PXDNL: variants seen among roughly 807,000 people sequenced by gnomAD.
PXDNL encodes probable oxidoreductase PXDNL.
A neutral mutation model predicts 150.8 loss-of-function variants in PXDNL; 145 were observed. The observed-to-expected ratio is 0.96, with a 90% CI of 0.84 to 1.10. PXDNL has a LOEUF of 1.10. PXDNL is among the 50% of genes least tolerant of loss of function. The probability of loss-of-function intolerance (pLI) is 0.00; values close to 1 mark genes in which losing one functional copy is unlikely to be tolerated. For missense variants in PXDNL, 2,087 were observed against 1,873.9 expected (o/e 1.11, Z -2.10); for synonymous variants, 757 against 725.7 (o/e 1.04, Z -0.69).
chr8:51,505,329 T>C (rs1363429107), intron 4 of PXDNL, among the ~76,000 whole-genome samples: 1 of 127,974 alleles, frequency 7.8e-6, no homozygotes, highest in African/African-American at 3.5e-5. Flanking sequence ...GTGTGAGAAG[T>C]TGCTGGTATC....
At chr8:51,470,875 A>T (rs1448277135) in intron 8 of PXDNL, among the ~76,000 whole-genome samples, 1 of 152,192 alleles carries the variant, frequency 6.6e-6, no homozygotes, top group Admixed American at 6.5e-5. Context: ...CTAAAACCAT[A>T]AAAACCCTAG....
At chr8:51,597,415 T>C (rs1050158636) in intron 2 of PXDNL, among the ~76,000 whole-genome samples, 1 of 152,202 alleles carries the variant, frequency 6.6e-6, no homozygotes, top group Non-Finnish European at 1.5e-5. Context: ...AATTTTAGAA[T>C]AGTTTTTTTC....
intron 1 of PXDNL, among the ~76,000 whole-genome samples, chr8:51,700,007 C>T (rs139747222): frequency 2.0e-5 from 3 of 151,946 alleles, no homozygotes; most frequent in African/African-American, 7.2e-5. Context: ...TGAGAATTAC[C>T]AAATTGTGAG....
chr8:51,372,177 C>T (rs1161982328), intron 18 of PXDNL, 96 bp from the exon 19 acceptor site: 5 of 790,464 alleles, frequency 6.3e-6, no homozygotes, highest in Non-Finnish European at 8.2e-6. Flanking sequence ...AAGAGCTCAA[C>T]ATAAAAGACG....
intron 14 of PXDNL, 131 bp from the exon 15 acceptor site, chr8:51,413,389 A>T (rs916885319): frequency 1.5e-5 from 9 of 611,040 alleles, no homozygotes; most frequent in Admixed American, 3.0e-5. Context: ...TGAAAATGTT[A>T]TACAATATCT....
At chr8:51,650,255 T>C (rs1403828028) in intron 2 of PXDNL, among the ~76,000 whole-genome samples, 1 of 152,120 alleles carries the variant, frequency 6.6e-6, no homozygotes. Context: ...TTTAACAATG[T>C]ACAGGCATAG....
chr8:51,366,166 C>T (rs2130767075), intron 19 of PXDNL, among the ~76,000 whole-genome samples: 1 of 152,308 alleles, frequency 6.6e-6, no homozygotes, highest in Admixed American at 6.5e-5. Context: ...AAGCTGCCTC[C>T]TTACATATTT....
chr8:51,460,919 T>C (rs978052201), intron 8 of PXDNL, among the ~76,000 whole-genome samples: 2 of 152,166 alleles, frequency 1.3e-5, no homozygotes, highest in Non-Finnish European at 2.9e-5. Context: ...TGGGCTGGGA[T>C]AGAGCAGGGC....
At chr8:51,494,017 G>C (rs1264099948) in intron 5 of PXDNL, among the ~76,000 whole-genome samples, 1 of 152,130 alleles carries the variant, frequency 6.6e-6, no homozygotes, top group East Asian at 1.9e-4. Context: ...AAAATGTTAA[G>C]GGCAGCCAGA....
chr8:51,515,304 G>A (rs1811512253), intron 4 of PXDNL, among the ~76,000 whole-genome samples: 1 of 152,146 alleles, frequency 6.6e-6, no homozygotes, highest in South Asian at 2.1e-4. Flanking sequence ...CCAGGGGGCA[G>A]GTCACACCCT....
At chr8:51,754,383 C>T (rs1264623047) in intron 1 of PXDNL, among the ~76,000 whole-genome samples, 1 of 152,198 alleles carries the variant, frequency 6.6e-6, no homozygotes, top group Non-Finnish European at 1.5e-5. Context: ...AAACCCACCA[C>T]TGGAGGCAGC....
At chr8:51,435,760 G>A in intron 12 of PXDNL, 1 of 399,504 alleles carries the variant, frequency 2.5e-6, no homozygotes, top group Non-Finnish European at 5.0e-6. Context: ...CCGTTTGCAA[G>A]GGGGAGTGAA....
At chr8:51,414,232 CTA>C (rs1235591398) in intron 14 of PXDNL, among the ~76,000 whole-genome samples, 1 of 151,212 alleles carries the variant, frequency 6.6e-6, no homozygotes, top group Non-Finnish European at 1.5e-5. Context: ...ATGTATATAT[CTA>C]TATATGTGTT....
intron 2 of PXDNL, among the ~76,000 whole-genome samples, chr8:51,634,935 T>A (rs2130763298): frequency 6.6e-6 from 1 of 152,284 alleles, no homozygotes; most frequent in East Asian, 1.9e-4. Flanking sequence ...ACAGATAATT[T>A]GACTTCTTCT....
At chr8:51,383,907 A>G (rs1377975495) in intron 17 of PXDNL, among the ~76,000 whole-genome samples, 1 of 152,182 alleles carries the variant, frequency 6.6e-6, no homozygotes, top group Non-Finnish European at 1.5e-5. Context: ...ATTCACAGAG[A>G]CACAAGGGCA....
intron 1 of PXDNL, among the ~76,000 whole-genome samples, chr8:51,747,477 A>G (rs921306236): frequency 9.2e-5 from 14 of 152,218 alleles, no homozygotes; most frequent in Non-Finnish European, 1.3e-4. Flanking sequence ...ACCACAACAC[A>G]ATGTAGACAG....
At chr8:51,386,890 T>C (rs1034037389) in intron 17 of PXDNL, among the ~76,000 whole-genome samples, 1 of 152,220 alleles carries the variant, frequency 6.6e-6, no homozygotes, top group African/African-American at 2.4e-5. Context: ...ATTTCTATTA[T>C]TCTATTTAAT....
intron 1 of PXDNL, among the ~76,000 whole-genome samples, chr8:51,784,790 T>C (rs1479040916): frequency 6.6e-6 from 1 of 152,180 alleles, no homozygotes; most frequent in East Asian, 1.9e-4. Context: ...ATAAATTTCA[T>C]AGCATAGAAT....
chr8:51,564,674 T>G (rs1017630032), intron 3 of PXDNL, among the ~76,000 whole-genome samples: 1 of 151,580 alleles, frequency 6.6e-6, no homozygotes, highest in Admixed American at 6.6e-5. Context: ...ACAGATTCCT[T>G]CTTTTAAGAA....
Sources: gnomAD v4.1 joint callset for allele counts (sites outside exome capture counted in the v4.1 genomes callset) on GRCh38, gnomAD v4.1.1 for gene constraint, MANE v1.5 for transcripts, NCBI Gene and HGNC (gene_info 2026-07-23, HGNC 2026-07-21) for gene names.